Variants in PTPRO observed in about 807,000 individuals in gnomAD.
PTPRO encodes receptor-type tyrosine-protein phosphatase O.
Under a neutral mutation model 145.2 loss-of-function variants are expected in PTPRO, and 62 were observed. The ratio of observed to expected loss-of-function variants is 0.43; its 90% CI spans 0.35 to 0.53. The LOEUF is 0.53. PTPRO is among the 20% of genes least tolerant of loss of function. The pLI is 0.01. For missense variants in PTPRO, 1,345 were observed against 1,482.7 expected (o/e 0.91, Z 1.53); for synonymous variants, 565 against 514.7 (o/e 1.10, Z -1.32).
chr12:15,374,083 A>T (rs1938610754), intron 1 of PTPRO, among the ~76,000 whole-genome samples: 1 of 152,226 alleles, frequency 6.6e-6, no homozygotes, highest in South Asian at 2.1e-4. Flanking sequence ...TTTGCTAACA[A>T]CGGCTTTGAA....
intron 12 of PTPRO, among the ~76,000 whole-genome samples, chr12:15,542,731 A>T (rs1463830883): frequency 2.0e-5 from 3 of 152,234 alleles, no homozygotes; most frequent in Non-Finnish European, 4.4e-5. Flanking sequence ...GTTCCAACAT[A>T]TAATCAATAT....
intron 1 of PTPRO, among the ~76,000 whole-genome samples, chr12:15,364,570 T>G (rs1228138485): frequency 6.6e-6 from 1 of 152,154 alleles, no homozygotes; most frequent in Non-Finnish European, 1.5e-5. Context: ...GCCTCTGTAT[T>G]AGTAAAGATG....
chr12:15,511,920 A>G (rs1942449545), intron 7 of PTPRO, among the ~76,000 whole-genome samples: 1 of 152,178 alleles, frequency 6.6e-6, no homozygotes, highest in African/African-American at 2.4e-5. Flanking sequence ...AGTTAGAATC[A>G]ACTCATAAAA....
chr12:15,571,373 C>T (rs970247836), intron 19 of PTPRO, among the ~76,000 whole-genome samples: 5 of 152,144 alleles, frequency 3.3e-5, no homozygotes, highest in Non-Finnish European at 5.9e-5. Context: ...CTGCAACCTC[C>T]GCCTCCCAGG....
intron 1 of PTPRO, among the ~76,000 whole-genome samples, chr12:15,405,092 C>T (rs1939609694): frequency 6.6e-6 from 1 of 152,166 alleles, no homozygotes; most frequent in Non-Finnish European, 1.5e-5. Context: ...AGCTCCACCT[C>T]CAAATATCAT....
chr12:15,353,193 C>A (rs1198373290), intron 1 of PTPRO, among the ~76,000 whole-genome samples: 1 of 152,154 alleles, frequency 6.6e-6, no homozygotes, highest in Non-Finnish European at 1.5e-5. Flanking sequence ...AAAACACATA[C>A]ACCCACCTAC....
At chr12:15,437,247 A>G (rs896703869) in intron 1 of PTPRO, among the ~76,000 whole-genome samples, 1 of 151,742 alleles carries the variant, frequency 6.6e-6, no homozygotes, top group Non-Finnish European at 1.5e-5. Flanking sequence ...TCTCTGCTAC[A>G]TGCCCAGGAA....
intron 12 of PTPRO, among the ~76,000 whole-genome samples, chr12:15,528,238 T>C (rs891618023): frequency 2.7e-5 from 4 of 150,086 alleles, no homozygotes; most frequent in African/African-American, 7.4e-5. Flanking sequence ...AAAAAAAGGC[T>C]GGGCACGGTG....
intron 1 of PTPRO, among the ~76,000 whole-genome samples, chr12:15,453,492 A>G (rs1484077269): frequency 6.6e-6 from 1 of 152,214 alleles, no homozygotes; most frequent in Admixed American, 6.5e-5. Context: ...AGATAACTTT[A>G]GCAGATAATA....
intron 20 of PTPRO, among the ~76,000 whole-genome samples, chr12:15,579,425 A>T (rs550256756): frequency 6.6e-6 from 1 of 152,380 alleles, no homozygotes; most frequent in Admixed American, 6.5e-5. Context: ...AATACATTCC[A>T]GTTTAGATTT....
intron 12 of PTPRO, among the ~76,000 whole-genome samples, chr12:15,543,054 T>C (rs192705784): frequency 6.6e-5 from 10 of 152,366 alleles, no homozygotes; most frequent in Non-Finnish European, 1.3e-4. Context: ...GTAATAACTT[T>C]CTTTGTTTCC....
At chr12:15,554,428 A>C (rs560065944) in intron 15 of PTPRO, among the ~76,000 whole-genome samples, 4 of 151,158 alleles carry the variant, frequency 2.6e-5, no homozygotes, top group South Asian at 4.1e-4. Context: ...ATATATATAT[A>C]TCTCCTATTA....
intron 13 of PTPRO, among the ~76,000 whole-genome samples, chr12:15,547,281 A>G (rs558316806): frequency 6.6e-6 from 1 of 152,368 alleles, no homozygotes; most frequent in African/African-American, 2.4e-5. Context: ...AGAATTACAA[A>G]TGGCAGATAC....
At chr12:15,377,607 C>A (rs117532679) in intron 1 of PTPRO, among the ~76,000 whole-genome samples, 1 of 151,990 alleles carries the variant, frequency 6.6e-6, no homozygotes, top group African/African-American at 2.4e-5. Flanking sequence ...AAAAGGTCAA[C>A]AAGGAACTAG....
At position 15,573,704 on chromosome 12, in the gene PTPRO, C is replaced by T. The variant is rs372177694; in HGVS notation, c.2829+4206C>T. On this transcript the variant is annotated intron_variant, in intron 19 of 26. Transcript: ENST00000281171. ...AGCAGTGGCCCGCTGGTCCAATTTA[C>T]TTCCTTCTTCATTTGACAGACTTCA... Among the ~76,000 whole-genome samples the T allele has an allele frequency of 5.4e-4, 82 of 152,246 alleles. No individual in the cohort carries two copies. The South Asian group carries it at 0.017, about 31-fold the overall frequency.
At chr12:15,515,980 T>TTG (rs1312816901) in intron 8 of PTPRO, among the ~76,000 whole-genome samples, 16 of 132,658 alleles carry the variant, frequency 1.2e-4, no homozygotes, top group African/African-American at 4.2e-4. Context: ...TGTCTGGTTT[T>TTG]TTTTTTGTTT....
intron 9 of PTPRO, among the ~76,000 whole-genome samples, chr12:15,519,225 A>G (rs1484696456): frequency 1.3e-5 from 2 of 152,130 alleles, no homozygotes; most frequent in African/African-American, 4.8e-5. Context: ...TAGCCATCAG[A>G]TTTCATGAGA....
At chr12:15,474,930 T>G (rs1306682568) in intron 1 of PTPRO, among the ~76,000 whole-genome samples, 3 of 152,218 alleles carry the variant, frequency 2.0e-5, no homozygotes, top group African/African-American at 7.2e-5. Flanking sequence ...TGGCCTGCTG[T>G]CTTCCTCTCA....
chr12:15,406,400 C>A (rs1939648686), intron 1 of PTPRO, among the ~76,000 whole-genome samples: 1 of 152,186 alleles, frequency 6.6e-6, no homozygotes, highest in Admixed American at 6.5e-5. Flanking sequence ...CCAAATCAAT[C>A]ATGATCCCCA....
Sources: allele counts gnomAD v4.1 joint callset (sites outside exome capture counted in the v4.1 genomes callset), GRCh38; gene constraint gnomAD v4.1.1; transcripts MANE v1.5; gene names NCBI Gene and HGNC (gene_info 2026-07-23, HGNC 2026-07-21).